The following PTPRR variants were observed in gnomAD, a reference collection of about 807,000 sequenced individuals.
The protein encoded by PTPRR is protein tyrosine phosphatase receptor type R, also known as receptor-type tyrosine-protein phosphatase R.
In PTPRR, 38 loss-of-function variants were observed where a neutral mutation model predicts 77.2. That is an observed-to-expected ratio of 0.49 (90% confidence interval 0.38 to 0.65). PTPRR has a LOEUF of 0.65. Ranked by LOEUF, PTPRR falls within the 30% of genes least tolerant of loss-of-function variation. The pLI, the probability that PTPRR is intolerant of heterozygous loss-of-function variation, is 0.00. For synonymous variants in PTPRR, 299 were observed against 283.1 expected, an observed-to-expected ratio of 1.06 and a Z score of -0.57; for missense variants, 744 against 799.2, an observed-to-expected ratio of 0.93 and a Z score of 0.83.
intron 6 of PTPRR, among the ~76,000 whole-genome samples, chr12:70,729,526 A>G (rs1007165258): frequency 1.3e-5 from 2 of 151,916 alleles, no homozygotes; most frequent in Non-Finnish European, 1.5e-5. Context: ...GGGGACCACT[A>G]CTCTAAGGTT....
chr12:70,652,998 T>A (rs1886451770), intron 13 of PTPRR, among the ~76,000 whole-genome samples: 1 of 152,150 alleles, frequency 6.6e-6, no homozygotes, highest in African/African-American at 2.4e-5. Context: ...TTCTTCCAAA[T>A]AGGATCAGAA....
chr12:70,818,730 T>C (rs1302560126), intron 2 of PTPRR, among the ~76,000 whole-genome samples: 2 of 152,162 alleles, frequency 1.3e-5, no homozygotes, highest in African/African-American at 4.8e-5. Flanking sequence ...AGGTAACAGA[T>C]ATTCAATCAA....
At chr12:70,850,127 C>T (rs1892547919) in intron 2 of PTPRR, among the ~76,000 whole-genome samples, 1 of 152,092 alleles carries the variant, frequency 6.6e-6, no homozygotes, top group South Asian at 2.1e-4. Context: ...TTTGGGAGGC[C>T]GAGGTGGGCA....
chr12:70,668,597 C>T lies in PTPRR; in HGVS notation c.1498-5992G>A, dbSNP rs147673445. Reference sequence around the variant, plus strand: ...TTAGAATTTAACATGGCACACTTAACATTTTCTTATTAGTATCTTACCAGA... The same window carrying T: ...TTAGAATTTAACATGGCACACTTAATATTTTCTTATTAGTATCTTACCAGA... On this transcript the variant is annotated intron_variant, in intron 10 of 13. Coordinates refer to ENST00000283228, the MANE Select transcript of PTPRR (RefSeq NM_002849.4). 2.7e-3 allele frequency among the ~76,000 whole-genome samples: 416 copies of T among 152,212 alleles called. 1 individual carries two copies. The highest frequency in any genetic ancestry group is 0.01 in the East Asian group (52 of 5,180).
In PTPRR at chr12:70,902,807, G is replaced by A. The variant is rs532082262; in HGVS notation, c.59-9830C>T. On this transcript the variant is annotated intron_variant, in intron 1 of 13. Coordinates refer to ENST00000283228, the MANE Select transcript of PTPRR (RefSeq NM_002849.4). ...AGTACATACTGGTTGGGTGATGGGT[G>A]CACCAAAAATCTCACAAATCAGCAC... 5.9e-5 allele frequency among the ~76,000 whole-genome samples: 9 copies of A among 151,724 alleles called. No homozygotes were observed. In the South Asian group the frequency reaches 6.2e-4, roughly 10 times the overall value.
chr12:70,869,247 A>G (rs1473180986), intron 2 of PTPRR, among the ~76,000 whole-genome samples: 1 of 152,192 alleles, frequency 6.6e-6, no homozygotes, highest in Non-Finnish European at 1.5e-5. Flanking sequence ...CAAATTTAAG[A>G]AAAAAGGCTC....
chr12:70,751,594 T>C (rs985714062), intron 5 of PTPRR, among the ~76,000 whole-genome samples: 3 of 152,158 alleles, frequency 2.0e-5, no homozygotes, highest in Non-Finnish European at 2.9e-5. Flanking sequence ...TATTCACCCA[T>C]AGGTCTCAAA....
intron 2 of PTPRR, among the ~76,000 whole-genome samples, chr12:70,821,520 C>T (rs1042032615): frequency 1.4e-4 from 21 of 151,820 alleles, no homozygotes; most frequent in Admixed American, 1.1e-3. Context: ...CCACTGTGCC[C>T]GGCTGCGATC....
chr12:70,886,961 A>G (rs1421897899), intron 2 of PTPRR, among the ~76,000 whole-genome samples: 1 of 152,248 alleles, frequency 6.6e-6, no homozygotes, highest in East Asian at 1.9e-4. Context: ...AGTACTAAGA[A>G]GAAAAATAAT....
At chr12:70,849,195 GGT>G in intron 2 of PTPRR, among the ~76,000 whole-genome samples, 1 of 152,168 alleles carries the variant, frequency 6.6e-6, no homozygotes, top group East Asian at 1.9e-4. Flanking sequence ...TATTTCCAAA[GGT>G]AGATATTTGA....
intron 2 of PTPRR, among the ~76,000 whole-genome samples, chr12:70,886,324 G>C (rs947576236): frequency 7.2e-5 from 11 of 152,264 alleles, no homozygotes; most frequent in African/African-American, 2.4e-4. Flanking sequence ...TATATAAGAA[G>C]GTGATTATAT....
At chr12:70,845,479 G>C (rs1892469143) in intron 2 of PTPRR, among the ~76,000 whole-genome samples, 1 of 152,132 alleles carries the variant, frequency 6.6e-6, no homozygotes. Flanking sequence ...TATGAGCTTA[G>C]AGCAATAACA....
At chr12:70,905,738 C>G (rs1248337193) in intron 1 of PTPRR, among the ~76,000 whole-genome samples, 1 of 151,938 alleles carries the variant, frequency 6.6e-6, no homozygotes, top group Non-Finnish European at 1.5e-5. Flanking sequence ...TGTATACACT[C>G]TCTCAGAATA....
intron 5 of PTPRR, among the ~76,000 whole-genome samples, chr12:70,747,912 G>T (rs1890264108): frequency 6.6e-6 from 1 of 152,142 alleles, no homozygotes; most frequent in Non-Finnish European, 1.5e-5. Context: ...TAAGCTATAA[G>T]GCAGTGATTC....
chr12:70,700,517 C>T (rs560777297), intron 7 of PTPRR, among the ~76,000 whole-genome samples: 21 of 152,292 alleles, frequency 1.4e-4, no homozygotes, highest in Middle Eastern at 3.4e-3. Flanking sequence ...ACACGAATAT[C>T]AATCCCTGAC....
chr12:70,878,809 T>C (rs957302928), intron 2 of PTPRR, among the ~76,000 whole-genome samples: 1 of 152,196 alleles, frequency 6.6e-6, no homozygotes, highest in African/African-American at 2.4e-5. Context: ...CACGTATGTT[T>C]ATTGCAGCAC....
At chr12:70,864,880 C>T (rs946520834) in intron 2 of PTPRR, among the ~76,000 whole-genome samples, 10 of 152,134 alleles carry the variant, frequency 6.6e-5, no homozygotes, top group Non-Finnish European at 1.5e-4. Flanking sequence ...GGTGGGATCT[C>T]CACTCACTGC....
chr12:70,870,433 A>C (rs1310958316), intron 2 of PTPRR, among the ~76,000 whole-genome samples: 1 of 152,056 alleles, frequency 6.6e-6, no homozygotes, highest in African/African-American at 2.4e-5. Flanking sequence ...CCCTACTGCT[A>C]CTCTTTATTC....
chr12:70,762,767 A>C (rs932273348), intron 3 of PTPRR, among the ~76,000 whole-genome samples: 2 of 152,210 alleles, frequency 1.3e-5, no homozygotes, highest in African/African-American at 4.8e-5. Flanking sequence ...CATACATGGA[A>C]TATGGCCACA....
Sources: allele counts gnomAD v4.1 joint callset (sites outside exome capture counted in the v4.1 genomes callset), GRCh38; gene constraint gnomAD v4.1.1; transcripts MANE v1.5; gene names NCBI Gene and HGNC (gene_info 2026-07-23, HGNC 2026-07-21).